The following LRRC63 variants were observed in gnomAD, a reference collection of about 807,000 sequenced individuals.
LRRC63 encodes leucine rich repeat containing 63.
In LRRC63, 40 loss-of-function variants were observed where a neutral mutation model predicts 49.5. The observed-to-expected ratio is 0.81, with a 90% confidence interval of 0.63 to 1.05. LRRC63 has a LOEUF of 1.05. Among genes scored for constraint, LRRC63 ranks in the 50% least tolerant of loss-of-function variants. LRRC63 has a pLI of 0.00. For synonymous variants in LRRC63, 191 were observed against 221.1 expected (o/e 0.86, Z 1.21); for missense variants, 636 against 663.1 (o/e 0.96, Z 0.45).
At chr13:46,271,146 C>T (rs1258074592) in intron 9 of LRRC63, among the ~76,000 whole-genome samples, 2 of 152,166 alleles carry the variant, frequency 1.3e-5, no homozygotes, top group African/African-American at 2.4e-5. Context: ...GAGCCGACTG[C>T]AGGACTTGAG....
At chr13:46,241,041 A>T (rs549099833) in intron 5 of LRRC63, among the ~76,000 whole-genome samples, 8 of 152,234 alleles carry the variant, frequency 5.3e-5, no homozygotes, top group Non-Finnish European at 1.2e-4. Context: ...AGCCTAAGCA[A>T]AAAGAGAAAA....
At chr13:46,218,747 T>TAGGTAAA (rs2046325113) in intron 2 of LRRC63, among the ~76,000 whole-genome samples, 2 of 152,232 alleles carry the variant, frequency 1.3e-5, no homozygotes, top group Non-Finnish European at 2.9e-5. Context: ...TACCAGTTTT[T>TAGGTAAA]ACCTTCCATA....
At chr13:46,271,174 T>G (rs893631017) in intron 9 of LRRC63, among the ~76,000 whole-genome samples, 1 of 152,152 alleles carries the variant, frequency 6.6e-6, no homozygotes, top group African/African-American at 2.4e-5. Context: ...TGTATTTGGG[T>G]ATATGTGGAA....
At chr13:46,246,529 C>A in exon 6 of LRRC63, 1 of 1,434,170 alleles carries the variant, frequency 7.0e-7, no homozygotes, top group South Asian at 1.5e-5. Flanking sequence ...TCTTTTAGGG[C>A]TTTTTTATCC....
At chr13:46,239,670 G>A (rs2046999882) in intron 5 of LRRC63, among the ~76,000 whole-genome samples, 1 of 152,062 alleles carries the variant, frequency 6.6e-6, no homozygotes, top group Admixed American at 6.6e-5. Flanking sequence ...CCAAAACCTG[G>A]CAGAGACACA....
intron 2 of LRRC63, among the ~76,000 whole-genome samples, chr13:46,224,427 T>C (rs1348085566): frequency 1.3e-5 from 2 of 152,166 alleles, no homozygotes; most frequent in Non-Finnish European, 2.9e-5. Context: ...CTTAAAAATA[T>C]CTATCTATCT....
At chr13:46,266,735 C>T in exon 9 of LRRC63, 2 of 1,535,122 alleles carry the variant, frequency 1.3e-6, no homozygotes, top group Non-Finnish European at 1.8e-6. Flanking sequence ...ATTTACAGAT[C>T]ACTTGAAAAA....
chr13:46,237,489 T>C (rs2046936102), intron 5 of LRRC63, among the ~76,000 whole-genome samples: 1 of 152,106 alleles, frequency 6.6e-6, no homozygotes, highest in Non-Finnish European at 1.5e-5. Context: ...AAGGGGTATG[T>C]GGAGAAGAAA....
At chr13:46,263,156 C>T (rs531235974) in intron 8 of LRRC63, among the ~76,000 whole-genome samples, 276 of 144,758 alleles carry the variant, frequency 1.9e-3, no homozygotes, top group Non-Finnish European at 3.7e-3. Flanking sequence ...TGTTTGTTCT[C>T]TTTTTAAATT....
chr13:46,218,560 C>G (rs1230441), intron 2 of LRRC63, among the ~76,000 whole-genome samples: 73,294 of 151,914 alleles, frequency 0.48, 19,253 homozygotes, highest in African/African-American at 0.67. Flanking sequence ...TATCCAGTTT[C>G]CCAGTCTGTC....
intron 5 of LRRC63, among the ~76,000 whole-genome samples, chr13:46,245,465 C>T (rs1199528849): frequency 1.3e-5 from 2 of 152,032 alleles, no homozygotes; most frequent in Non-Finnish European, 2.9e-5. Flanking sequence ...GCCATAAAAC[C>T]TGTCTCAGGA....
At chr13:46,258,768 C>G (rs1388461487) in intron 7 of LRRC63, among the ~76,000 whole-genome samples, 4 of 140,944 alleles carry the variant, frequency 2.8e-5, no homozygotes, top group African/African-American at 1.1e-4. Context: ...AAGATCACAC[C>G]ACTGCACTCC....
At chr13:46,218,080 G>T (rs1286707839) in intron 2 of LRRC63, among the ~76,000 whole-genome samples, 2 of 152,214 alleles carry the variant, frequency 1.3e-5, no homozygotes, top group Non-Finnish European at 2.9e-5. Context: ...ATATTCTGTT[G>T]ATTTGGGGTG....
At chr13:46,259,376 A>G (rs1183286406) in intron 7 of LRRC63, among the ~76,000 whole-genome samples, 1 of 152,208 alleles carries the variant, frequency 6.6e-6, no homozygotes, top group Admixed American at 6.5e-5. Context: ...TGCAGAAACA[A>G]CTGTCACAAA....
intron 2 of LRRC63, among the ~76,000 whole-genome samples, chr13:46,223,584 A>G (rs771242015): frequency 2.0e-5 from 3 of 151,730 alleles, no homozygotes; most frequent in Non-Finnish European, 4.4e-5. Context: ...GGCCAGGCAC[A>G]GTGGCTCACG....
In LRRC63 at chr13:46,228,397, A is replaced by G. The variant is rs2046641915; in HGVS notation, c.763+208A>G. The stretch of plus-strand genomic sequence containing the variant: ...CTGCCAAGGCCAGACTGGGTACTCC[A>G]TTCAGATGGTGATAATGGGAACCAA... On this transcript the variant is annotated intron_variant, in intron 3 of 9. Transcript: ENST00000595396. 2.6e-5 allele frequency among the ~76,000 whole-genome samples: 4 copies of G among 152,330 alleles called. No homozygotes were observed. The South Asian group carries it at 8.3e-4, about 32-fold the overall frequency.
chr13:46,229,388 CTT>C (rs2046677801), intron 4 of LRRC63, among the ~76,000 whole-genome samples: 1 of 152,140 alleles, frequency 6.6e-6, no homozygotes, highest in Non-Finnish European at 1.5e-5. Context: ...GTGGGCGTGA[CTT>C]GAGTAGAACT....
chr13:46,228,838 A>C, intron 4 of LRRC63, 105 bp downstream of exon 4: 1 of 718,412 alleles, frequency 1.4e-6, no homozygotes, highest in South Asian at 1.8e-5. Context: ...TCACACATGC[A>C]TAACACACAT....
chr13:46,215,141 C>T (rs1293320621), intron 2 of LRRC63, among the ~76,000 whole-genome samples: 5 of 152,200 alleles, frequency 3.3e-5, no homozygotes, highest in Admixed American at 1.3e-4. Context: ...AATGGGATTG[C>T]TGGATCAAAT....
Sources: gnomAD v4.1 joint callset for allele counts (sites outside exome capture counted in the v4.1 genomes callset) on GRCh38, gnomAD v4.1.1 for gene constraint, MANE v1.5 for transcripts, NCBI Gene and HGNC (gene_info 2026-07-23, HGNC 2026-07-21) for gene names.